The following DDX25 variants were observed in gnomAD, a reference collection of about 807,000 sequenced individuals.
DDX25 encodes ATP-dependent RNA helicase DDX25.
In DDX25, 70 loss-of-function variants were observed where a neutral mutation model predicts 64.6. The ratio of observed to expected loss-of-function variants is 1.08; its 90% CI spans 0.89 to 1.32. DDX25 has a LOEUF of 1.32. Among genes scored for constraint, DDX25 ranks in the 40% most tolerant of loss-of-function variants. DDX25 has a pLI of 0.00. For missense variants in DDX25, 587 were observed against 604.4 expected (o/e 0.97, Z 0.30); for synonymous variants, 211 against 213.3 (o/e 0.99, Z 0.09).
chr11:125,921,327 C>A lies in DDX25; in HGVS notation c.1338C>A (p.Asn446Lys), dbSNP rs773537035. The change falls in exon 11 of 12, where the codon AAC (asparagine) becomes AAA (lysine). Residue 446 changes from asparagine to lysine, a missense_variant. Transcript: ENST00000263576. This position sits in a 1 kb window ranked among gnomAD's most constrained non-coding sequence, Gnocchi z 4.1. Reference sequence around the variant, plus strand: ...TTGGGAAAAAAGGCCTTGCCTTCAACATGATTGAAGTAGATGAGCTGCCCT... The same window carrying A: ...TTGGGAAAAAAGGCCTTGCCTTCAAAATGATTGAAGTAGATGAGCTGCCCT... ...GRFGKKGLAF[N>K]MIEVDELPSL... The A allele has an allele frequency of 1.2e-5, 20 of 1,613,736 alleles. No homozygotes were observed. The highest frequency in any genetic ancestry group is 1.6e-5 in the Non-Finnish European group (19 of 1,179,856).
In DDX25 at chr11:125,921,837, TGAG is replaced by T. The variant is rs1945119647; in HGVS notation, c.1390+460_1390+462del. The stretch of plus-strand genomic sequence containing the variant: ...CCAGGAGGCGGAGGTTGCAGTGAGC[TGAG>T]GTCGCACAACTGCACTCCAGCCTGG... On this transcript the variant is annotated intron_variant, in intron 11 of 11. Coordinates refer to ENST00000263576, the MANE Select transcript of DDX25 (RefSeq NM_013264.5). The surrounding 1 kb of genome is among the most constrained non-coding windows in gnomAD (Gnocchi z 4.1). 6.4e-6 allele frequency: 1 copy of T among 155,350 alleles called. No individual in the cohort carries two copies. The highest frequency in any genetic ancestry group is 2.4e-5 in the African/African-American group (1 of 41,472). 9.6% of individuals were successfully genotyped at this position (155,350 alleles called of 1,614,324 possible).
chr11:125,914,443 C>T (rs1945009711), intron 8 of DDX25, among the ~76,000 whole-genome samples: 1 of 152,200 alleles, frequency 6.6e-6, no homozygotes, highest in East Asian at 1.9e-4. Context: ...TTGATCTCCT[C>T]TTTTCAGCCA....
At chr11:125,908,832 C>G (rs372069554) in intron 6 of DDX25, among the ~76,000 whole-genome samples, 4 of 152,274 alleles carry the variant, frequency 2.6e-5, no homozygotes, top group South Asian at 2.1e-4. Flanking sequence ...CCCTTAAATC[C>G]TAATACCTAG....
intron 6 of DDX25, among the ~76,000 whole-genome samples, chr11:125,909,432 T>C (rs1193924752): frequency 4.6e-5 from 7 of 152,318 alleles, no homozygotes; most frequent in African/African-American, 1.2e-4. Flanking sequence ...AGATTCCTAA[T>C]TGACACATAT....
At chr11:125,907,394 G>C (rs1057124215) in intron 4 of DDX25, among the ~76,000 whole-genome samples, 1 of 152,118 alleles carries the variant, frequency 6.6e-6, no homozygotes, top group African/African-American at 2.4e-5. Context: ...GGATCACGAG[G>C]TCAGGAGATC....
rs1945171748 is a variant in DDX25 at position 125,926,781 on chromosome 11, AG to A, written c.*3902del. The A allele has an allele frequency of 6.6e-6, 1 of 152,126 alleles. No homozygotes were observed. Among genetic ancestry groups the A allele is most frequent in the African/African-American group, 2.4e-5 (1 of 41,402 alleles). 9.4% of individuals were successfully genotyped at this position (152,126 alleles called of 1,614,324 possible). A position where few individuals can be genotyped will look rare whatever the true frequency, so the allele number is the denominator to read the frequency against. On this transcript the variant is annotated 3_prime_UTR_variant, in exon 12 of 12. Coordinates refer to ENST00000263576, the MANE Select transcript of DDX25 (RefSeq NM_013264.5). ...AGGCTGGTCTCGAACTCGTGACCTC[AG>A]GTGATCCACACGCCTTGGCTTCCCA... is the stretch of plus-strand genomic sequence containing the variant.
chr11:125,918,932 C>G, intron 10 of DDX25, 142 bp downstream of exon 10: 1 of 1,057,224 alleles, frequency 9.5e-7, no homozygotes. Context: ...TCTCCATCTC[C>G]CCAGTTTCCT....
Position 125,905,542 on chromosome 11 carries a change from A to T in DDX25, c.131-11A>T, listed in dbSNP as rs1430232649. ...TCTTTACTTGTATTGTTTCTCTTCC[A>T]TCCTTTCCAGATGGTTCTATTAATA... On this transcript the variant is annotated splice_polypyrimidine_tract_variant and intron_variant, in intron 2 of 11. Coordinates refer to ENST00000263576, the MANE Select transcript of DDX25 (RefSeq NM_013264.5). 1 of 1,551,176 alleles carries T rather than the reference A, an allele frequency of 6.4e-7. No homozygotes were observed. Among genetic ancestry groups the T allele is most frequent in the East Asian group, 2.4e-5 (1 of 40,916 alleles).
intron 4 of DDX25, among the ~76,000 whole-genome samples, chr11:125,907,591 G>C (rs551989611): frequency 9.9e-5 from 15 of 151,170 alleles, no homozygotes; most frequent in South Asian, 6.4e-4. Context: ...CTGGGCGACA[G>C]AGCAAGACTC....
intron 4 of DDX25, among the ~76,000 whole-genome samples, chr11:125,906,870 T>A (rs1944896538): frequency 6.7e-6 from 1 of 148,594 alleles, no homozygotes; most frequent in Non-Finnish European, 1.5e-5. Context: ...ATTAGGATAC[T>A]CAAGTTGCCT....
At chr11:125,917,321 G>A in intron 9 of DDX25, 70 bp downstream of exon 9, 1 of 1,424,258 alleles carries the variant, frequency 7.0e-7, no homozygotes. Flanking sequence ...ACGACAATAA[G>A]TGCCCTAGAG....
At chr11:125,904,774 C>T (rs1187359417) in intron 1 of DDX25, 194 bp downstream of exon 1, 1 of 709,322 alleles carries the variant, frequency 1.4e-6, no homozygotes, top group Non-Finnish European at 2.3e-6. Context: ...AGAGGCAAGA[C>T]CTTTGGTTAG....
chr11:125,908,178 GAT>G lies in DDX25; in HGVS notation c.312-17_312-16del, dbSNP rs1491288349. The G allele has an allele frequency of 4.8e-5, 70 of 1,466,926 alleles. No homozygotes were observed. The highest frequency in any genetic ancestry group is 6.3e-5 in the Non-Finnish European group (69 of 1,102,950). The allele number at this position is 1,466,926 out of a possible 1,614,324, so 90.9% of individuals were successfully genotyped here. On this transcript the variant is annotated splice_polypyrimidine_tract_variant and intron_variant, in intron 4 of 11. Coordinates refer to ENST00000263576, the MANE Select transcript of DDX25 (RefSeq NM_013264.5). ...GACCAACTATAATCTGTAAGTGTTT[GAT>G]TTTTTTTTTTGACAGAAAGGAAGAG...
chr11:125,922,741 G>A, intron 11 of DDX25, 79 bp from the exon 12 acceptor site: 1 of 1,355,352 alleles, frequency 7.4e-7, no homozygotes, highest in Non-Finnish European at 1.0e-6. Context: ...AGGTATCACT[G>A]TCTTCAGAAA....
intron 8 of DDX25, among the ~76,000 whole-genome samples, chr11:125,916,361 A>G (rs1037465146): frequency 2.6e-5 from 4 of 152,228 alleles, no homozygotes; most frequent in African/African-American, 9.6e-5. Context: ...CCAGCACCCT[A>G]GAATTTTCTT....
chr11:125,919,090 G>A lies in DDX25; in HGVS notation c.1201+300G>A, dbSNP rs516482. ...ACTTCCTCCACCTGACATAATGCTC[G>A]TAATAATACTAATGAATTTCATTAG... On this transcript the variant is annotated intron_variant, in intron 10 of 11. Transcript: ENST00000263576. Among the ~76,000 whole-genome samples, 102,249 of 151,936 alleles carry A rather than the reference G, an allele frequency of 0.67. 34,589 individuals carry two copies. The highest frequency in any genetic ancestry group is 0.73 in the Admixed American group (11,116 of 15,270).
In DDX25 at chr11:125,923,753, A is replaced by C. The variant is rs1945142306; in HGVS notation, c.*872A>C. 6.6e-6 allele frequency: 1 copy of C among 152,186 alleles called. No homozygotes were observed. The highest frequency in any genetic ancestry group is 1.5e-5 in the Non-Finnish European group (1 of 68,040). 9.4% of individuals were successfully genotyped at this position (152,186 alleles called of 1,614,324 possible). ...TCAAAAGTAAAGTGTAGTGAGCTTG[A>C]GAAGATGGGGTAAATGGAGAGTCCC... On this transcript the variant is annotated 3_prime_UTR_variant, in exon 12 of 12. Transcript: ENST00000263576.
At chr11:125,915,942 A>G (rs603675) in intron 8 of DDX25, among the ~76,000 whole-genome samples, 105,031 of 152,086 alleles carry the variant, frequency 0.69, 36,416 homozygotes, top group Admixed American at 0.73. Context: ...CATTCTCCAC[A>G]TTTTCCGTGG....
intron 8 of DDX25, among the ~76,000 whole-genome samples, chr11:125,912,442 G>A (rs746011982): frequency 6.6e-6 from 1 of 152,174 alleles, no homozygotes; most frequent in Non-Finnish European, 1.5e-5. Context: ...ACAAGGGATT[G>A]GTTCCAGGAC....
Sources: gnomAD v4.1 joint callset for allele counts (sites outside exome capture counted in the v4.1 genomes callset) on GRCh38, gnomAD v4.1.1 for gene constraint, Gnocchi (gnomAD v3.1) non-coding constraint, MANE v1.5 for transcripts, NCBI Gene and HGNC (gene_info 2026-07-23, HGNC 2026-07-21) for gene names.